The following CSTPP1 variants were observed in gnomAD, a reference collection of about 807,000 sequenced individuals.
CSTPP1 encodes centriolar satellite-associated tubulin polyglutamylase complex regulator 1.
chr11:47,039,546 A>G, the CSTPP1 span, among the ~76,000 whole-genome samples: 2 of 126,812 alleles, frequency 1.6e-5, no homozygotes, highest in Admixed American at 1.7e-4. Context: ...TAAAGACTGT[A>G]CCTATCTGTT....
At chr11:46,937,344 A>G in the CSTPP1 span, among the ~76,000 whole-genome samples, 1 of 1,358 alleles carries the variant, frequency 7.4e-4, no homozygotes, top group Non-Finnish European at 4.8e-3. Flanking sequence ...CTGAAGAGGT[A>G]ACTTGCGTTA....
chr11:46,989,266 A>T, the CSTPP1 span, among the ~76,000 whole-genome samples: 3 of 152,106 alleles, frequency 2.0e-5, no homozygotes, highest in African/African-American at 7.2e-5. Flanking sequence ...TATAAAGTAT[A>T]CTTAGAATGT....
At chr11:47,114,256 T>C in the CSTPP1 span, among the ~76,000 whole-genome samples, 1 of 152,236 alleles carries the variant, frequency 6.6e-6, no homozygotes, top group Admixed American at 6.5e-5. Context: ...TGTAGCCTTG[T>C]AGTATAGTTT....
At chr11:47,001,135 T>G in the CSTPP1 span, among the ~76,000 whole-genome samples, 2 of 152,226 alleles carry the variant, frequency 1.3e-5, no homozygotes, top group Non-Finnish European at 2.9e-5. Flanking sequence ...CCACCTTGAT[T>G]ATCTAAGTAA....
the CSTPP1 span, among the ~76,000 whole-genome samples, chr11:47,134,775 G>T: frequency 6.6e-6 from 1 of 152,128 alleles, no homozygotes; most frequent in Non-Finnish European, 1.5e-5. Context: ...TGTTCAAAAC[G>T]GATTTGGCTC....
At chr11:47,158,402 T>C in the CSTPP1 span, among the ~76,000 whole-genome samples, 5 of 152,088 alleles carry the variant, frequency 3.3e-5, no homozygotes, top group African/African-American at 9.7e-5. Context: ...AAGTCTGCAG[T>C]GGCCCAGTTT....
chr11:47,057,243 A>G, the CSTPP1 span, among the ~76,000 whole-genome samples: 1 of 152,178 alleles, frequency 6.6e-6, no homozygotes, highest in Non-Finnish European at 1.5e-5. Context: ...TTTTTTCTGT[A>G]TAGGAATATT....
the CSTPP1 span, among the ~76,000 whole-genome samples, chr11:46,938,248 C>A: frequency 1.1e-4 from 16 of 151,636 alleles, no homozygotes; most frequent in Admixed American, 4.6e-4. Flanking sequence ...CCCTCACTCA[C>A]AGTTTCCGCT....
At chr11:47,131,019 T>C in the CSTPP1 span, among the ~76,000 whole-genome samples, 324 of 152,292 alleles carry the variant, frequency 2.1e-3, no homozygotes, top group African/African-American at 7.5e-3. Context: ...TAGCATTTCA[T>C]TATCTTTAGC....
the CSTPP1 span, among the ~76,000 whole-genome samples, chr11:47,157,498 A>C: frequency 6.6e-6 from 1 of 152,036 alleles, no homozygotes; most frequent in African/African-American, 2.4e-5. Flanking sequence ...AGGAAAGAGT[A>C]CTCCTTGTAT....
At chr11:47,083,244 G>C in the CSTPP1 span, among the ~76,000 whole-genome samples, 3 of 152,208 alleles carry the variant, frequency 2.0e-5, no homozygotes, top group Non-Finnish European at 4.4e-5. Context: ...ATCACTTACA[G>C]TTTTCAAGAT....
chr11:46,965,436 G>A, the CSTPP1 span, among the ~76,000 whole-genome samples: 4 of 152,004 alleles, frequency 2.6e-5, no homozygotes, highest in Non-Finnish European at 5.9e-5. Context: ...TGTTGGTCAG[G>A]CTGGTCTTGA....
At chr11:47,054,262 G>A in the CSTPP1 span, among the ~76,000 whole-genome samples, 1 of 132,594 alleles carries the variant, frequency 7.5e-6, no homozygotes, top group Non-Finnish European at 1.5e-5. Context: ...AGTGATCCAA[G>A]ATCGCGCTAC....
At chr11:47,120,627 A>C in the CSTPP1 span, among the ~76,000 whole-genome samples, 1 of 152,210 alleles carries the variant, frequency 6.6e-6, no homozygotes. The surrounding 1 kb of genome is among the most constrained non-coding windows in gnomAD (Gnocchi z 4.2). Context: ...GAATATGTAA[A>C]AGCATGCGCT....
At chr11:46,958,834 TCC>T in the CSTPP1 span, among the ~76,000 whole-genome samples, 1 of 152,166 alleles carries the variant, frequency 6.6e-6, no homozygotes, top group Non-Finnish European at 1.5e-5. Context: ...AGCCTTGGTG[TCC>T]CAGGGCAAGA....
the CSTPP1 span, among the ~76,000 whole-genome samples, chr11:47,115,768 C>T: frequency 6.6e-6 from 1 of 151,262 alleles, no homozygotes; most frequent in African/African-American, 2.4e-5. Context: ...AAAAAACCAG[C>T]TCCTGGATTC....
At chr11:46,976,627 T>TAGTA in the CSTPP1 span, among the ~76,000 whole-genome samples, 1 of 152,186 alleles carries the variant, frequency 6.6e-6, no homozygotes, top group Non-Finnish European at 1.5e-5. Flanking sequence ...GTTGAGTACA[T>TAGTA]AGTACAGTGC....
At chr11:47,085,229 G>A in the CSTPP1 span, among the ~76,000 whole-genome samples, 15 of 151,926 alleles carry the variant, frequency 9.9e-5, no homozygotes, top group African/African-American at 1.7e-4. Context: ...AGTAAGACCC[G>A]AAATATTATT....
chr11:46,998,895 C>G, the CSTPP1 span, among the ~76,000 whole-genome samples: 2 of 152,002 alleles, frequency 1.3e-5, no homozygotes, highest in African/African-American at 4.8e-5. Context: ...GCCACATGCC[C>G]GGCTAATTTT....
Sources: allele counts gnomAD v4.1 joint callset (sites outside exome capture counted in the v4.1 genomes callset), GRCh38; gene constraint gnomAD v4.1.1; non-coding constraint Gnocchi (gnomAD v3.1); transcripts MANE v1.5; gene names NCBI Gene and HGNC (gene_info 2026-07-23, HGNC 2026-07-21).